ATP11B: variants seen among roughly 807,000 people sequenced by gnomAD.
ATP11B encodes the protein phospholipid-transporting ATPase IF.
ATP11B carries 81 observed loss-of-function variants against 157.8 expected under a neutral mutation model. The observed-to-expected ratio is 0.51, with a 90% CI of 0.43 to 0.62. The LOEUF (loss-of-function observed/expected upper bound fraction) is 0.62. Ranked by LOEUF, ATP11B falls within the 20% of genes least tolerant of loss-of-function variation. The probability of loss-of-function intolerance (pLI) is 0.00; values close to 1 mark genes in which losing one functional copy is unlikely to be tolerated. For missense variants in ATP11B, 1,165 were observed against 1,402.2 expected, an observed-to-expected ratio of 0.83 and a Z score of 2.70; for synonymous variants, 451 against 469.4, an observed-to-expected ratio of 0.96 and a Z score of 0.51.
In ATP11B at chr3:182,823,876, A is replaced by T. The variant is rs538006187; in HGVS notation, c.144+3500A>T. Among the ~76,000 whole-genome samples, 7 of 152,118 alleles carry T rather than the reference A, an allele frequency of 4.6e-5. No individual in the cohort carries two copies. The East Asian group carries it at 1.4e-3, about 29-fold the overall frequency. On this transcript the variant is annotated intron_variant, in intron 2 of 29. Coordinates refer to ENST00000323116, the MANE Select transcript of ATP11B (RefSeq NM_014616.3). ...TAATTTACATACAGTAAAATTTATC[A>T]GTTTTAAGTGTGCAGTTTGATGAGT...
At chr3:182,886,960 C>T (rs1328825556) in intron 23 of ATP11B, among the ~76,000 whole-genome samples, 1 of 152,118 alleles carries the variant, frequency 6.6e-6, no homozygotes, top group Non-Finnish European at 1.5e-5. Context: ...ACAAGGAAAA[C>T]TGACCTATTT....
At chr3:182,887,766 A>G in intron 24 of ATP11B, 53 bp downstream of exon 24, 1 of 1,551,054 alleles carries the variant, frequency 6.4e-7, no homozygotes, top group Non-Finnish European at 8.7e-7. Flanking sequence ...AGTAAAAAAT[A>G]AGCAGATTTA....
chr3:182,823,943 T>C lies in ATP11B; in HGVS notation c.144+3567T>C, dbSNP rs979619800. On this transcript the variant is annotated intron_variant, in intron 2 of 29. Transcript: ENST00000323116. ...ACCGCCATAATCAAGATGTGGAATA[T>C]ATCCATTGCTTCAAAAAAAATCTTT... 4.5e-4 allele frequency among the ~76,000 whole-genome samples: 69 copies of C among 152,196 alleles called. 1 individual carries two copies. Among genetic ancestry groups the C allele is most frequent in the Admixed American group, 2.6e-3 (40 of 15,286 alleles).
chr3:182,810,222 C>T (rs1001874232), intron 1 of ATP11B, among the ~76,000 whole-genome samples: 1 of 152,088 alleles, frequency 6.6e-6, no homozygotes, highest in African/African-American at 2.4e-5. Context: ...ATCCCAGCTA[C>T]TCAGGAGGCT....
intron 1 of ATP11B, among the ~76,000 whole-genome samples, chr3:182,816,680 C>T (rs1404376612): frequency 6.6e-6 from 1 of 152,136 alleles, no homozygotes; most frequent in Admixed American, 6.5e-5. Flanking sequence ...GAACTAATTA[C>T]AAAGCAAGAT....
intron 4 of ATP11B, among the ~76,000 whole-genome samples, chr3:182,832,145 A>G (rs912745776): frequency 6.6e-6 from 1 of 152,162 alleles, no homozygotes; most frequent in African/African-American, 2.4e-5. Flanking sequence ...TAAGAGTTTA[A>G]TATAATCATA....
chr3:182,801,880 T>C (rs898238541), intron 1 of ATP11B, among the ~76,000 whole-genome samples: 1 of 152,210 alleles, frequency 6.6e-6, no homozygotes, highest in Non-Finnish European at 1.5e-5. Context: ...TATGTATTGC[T>C]AATAAATTTA....
intron 3 of ATP11B, among the ~76,000 whole-genome samples, chr3:182,829,085 C>G (rs1316049078): frequency 1.3e-5 from 2 of 152,176 alleles, no homozygotes; most frequent in African/African-American, 4.8e-5. Context: ...GTTCGCTTGG[C>G]TTTCTTGGAA....
At position 182,884,808 on chromosome 3, in the gene ATP11B, C is replaced by G. The variant is rs192256807; in HGVS notation, c.2565C>G (p.Ala855=). Reference sequence around the variant, plus strand: ...CAAGAAACAGTGACTATGCAATAGCCAGATTTAAGTTCCTCTCCAAATTGC... The same window carrying G: ...CAAGAAACAGTGACTATGCAATAGCGAGATTTAAGTTCCTCTCCAAATTGC... ...QAARNSDYAI[A]RFKFLSKLLF... Residue 855 remains alanine, a synonymous_variant, in exon 22 of 30, where the codon GCC becomes GCG. Transcript: ENST00000323116. The G allele has an allele frequency of 6.2e-7, 1 of 1,602,256 alleles. No homozygotes were observed. Among genetic ancestry groups the G allele is most frequent in the African/African-American group, 1.3e-5 (1 of 74,370 alleles).
intron 8 of ATP11B, chr3:182,843,951 C>A (rs1719260447): frequency 1.3e-5 from 2 of 152,138 alleles, no homozygotes; most frequent in Admixed American, 6.5e-5. Flanking sequence ...ACGATCCCTG[C>A]TGAATAACTA....
chr3:182,829,583 T>G (rs1158031394), intron 3 of ATP11B, 89 bp from the exon 4 acceptor site: 1 of 902,052 alleles, frequency 1.1e-6, no homozygotes, highest in Non-Finnish European at 1.7e-6. Context: ...TAAAGTATAC[T>G]CACTGTGTAA....
intron 4 of ATP11B, chr3:182,830,010 A>G: frequency 8.1e-6 from 7 of 864,266 alleles, no homozygotes; most frequent in South Asian, 5.3e-5. Flanking sequence ...CAAGTATTGT[A>G]TATGTATAAA....
chr3:182,904,196 T>C (rs1724168409), intron 28 of ATP11B, among the ~76,000 whole-genome samples: 2 of 152,286 alleles, frequency 1.3e-5, no homozygotes, highest in East Asian at 3.9e-4. Flanking sequence ...CCTAACCAAG[T>C]CACTTCACCT....
chr3:182,858,909 C>T (rs9815165), intron 11 of ATP11B, among the ~76,000 whole-genome samples: 4 of 151,902 alleles, frequency 2.6e-5, no homozygotes, highest in Admixed American at 6.6e-5. Flanking sequence ...CTGAAAGTAA[C>T]GAATTAAGTT....
chr3:182,831,298 C>T (rs1383517981), intron 4 of ATP11B, among the ~76,000 whole-genome samples: 1 of 152,176 alleles, frequency 6.6e-6, no homozygotes, highest in Non-Finnish European at 1.5e-5. Flanking sequence ...TTATCCCTAC[C>T]TTCAAGATCT....
At chr3:182,884,968 A>T (rs1271201115) in intron 22 of ATP11B, 70 bp downstream of exon 22, 1 of 871,698 alleles carries the variant, frequency 1.1e-6, no homozygotes, top group Non-Finnish European at 1.7e-6. Flanking sequence ...GAATGTTATA[A>T]CCTTATACAT....
intron 1 of ATP11B, among the ~76,000 whole-genome samples, chr3:182,806,076 G>A (rs780872030): frequency 3.3e-5 from 5 of 152,152 alleles, no homozygotes; most frequent in Non-Finnish European, 7.4e-5. Flanking sequence ...TTAAGCAAGA[G>A]TTCATGAGTG....
chr3:182,813,439 A>G (rs1229956116), intron 1 of ATP11B, among the ~76,000 whole-genome samples: 1 of 152,098 alleles, frequency 6.6e-6, no homozygotes, highest in Non-Finnish European at 1.5e-5. Context: ...AACTTTGTTA[A>G]TGGATGTGAA....
intron 25 of ATP11B, among the ~76,000 whole-genome samples, chr3:182,892,297 C>G (rs2108572880): frequency 6.6e-6 from 1 of 152,268 alleles, no homozygotes; most frequent in East Asian, 1.9e-4. Flanking sequence ...GCTAAAAATC[C>G]TTTTAGACAT....
Sources: allele counts gnomAD v4.1 joint callset (sites outside exome capture counted in the v4.1 genomes callset), GRCh38; gene constraint gnomAD v4.1.1; transcripts MANE v1.5; gene names NCBI Gene and HGNC (gene_info 2026-07-23, HGNC 2026-07-21).